The following PCDH9 variants were observed in gnomAD, a reference collection of about 807,000 sequenced individuals.
The protein encoded by PCDH9 is protocadherin 9.
A neutral mutation model predicts 70.6 loss-of-function variants in PCDH9; 24 were observed. The observed-to-expected ratio is 0.34, with a 90% CI of 0.25 to 0.48. The LOEUF (loss-of-function observed/expected upper bound fraction) is 0.48, where lower values mean the gene tolerates loss of function less well. PCDH9 is among the 20% of genes least tolerant of loss of function. The pLI is 0.99. For synonymous variants in PCDH9, 562 were observed against 558.5 expected (o/e 1.01, Z -0.09); for missense variants, 1,281 against 1,503.6 (o/e 0.85, Z 2.45).
At chr13:66,562,983 A>G (rs1339927761) in intron 4 of PCDH9, among the ~76,000 whole-genome samples, 1 of 152,102 alleles carries the variant, frequency 6.6e-6, no homozygotes, top group Non-Finnish European at 1.5e-5. Context: ...TACCCCAAAG[A>G]AAATTCAGTT....
At chr13:66,610,015 T>C (rs1416158125) in intron 4 of PCDH9, among the ~76,000 whole-genome samples, 1 of 147,436 alleles carries the variant, frequency 6.8e-6, no homozygotes, top group Non-Finnish European at 1.5e-5. Context: ...TGGAGTGCAG[T>C]GGCGAGATCT....
chr13:66,690,807 G>A (rs914050075), intron 3 of PCDH9, among the ~76,000 whole-genome samples: 2 of 152,042 alleles, frequency 1.3e-5, no homozygotes, highest in African/African-American at 4.8e-5. Context: ...ATATATATTA[G>A]TCTCTACTGA....
intron 3 of PCDH9, among the ~76,000 whole-genome samples, chr13:66,693,023 C>T (rs1160310134): frequency 6.6e-6 from 1 of 152,026 alleles, no homozygotes; most frequent in Non-Finnish European, 1.5e-5. Context: ...AAATCAAACT[C>T]TTTTTGGTGG....
chr13:66,346,613 G>A (rs1411474443), intron 4 of PCDH9, among the ~76,000 whole-genome samples: 1 of 152,102 alleles, frequency 6.6e-6, no homozygotes, highest in East Asian at 1.9e-4. Flanking sequence ...CCATTCTATG[G>A]CCTATGGCTG....
chr13:66,897,913 A>T (rs1189526771), intron 3 of PCDH9, among the ~76,000 whole-genome samples: 1 of 152,106 alleles, frequency 6.6e-6, no homozygotes, highest in African/African-American at 2.4e-5. Context: ...TTCCAGGTCA[A>T]TCTTACCTAA....
chr13:66,934,575 A>AGAAAAG (rs2082876457), intron 2 of PCDH9, among the ~76,000 whole-genome samples: 1 of 150,154 alleles, frequency 6.7e-6, no homozygotes, highest in African/African-American at 2.4e-5. Flanking sequence ...AAAAATACAA[A>AGAAAAG]AACTCCTTGA....
intron 3 of PCDH9, among the ~76,000 whole-genome samples, chr13:66,743,786 A>G (rs1237166844): frequency 1.3e-5 from 2 of 152,192 alleles, no homozygotes; most frequent in Non-Finnish European, 2.9e-5. Flanking sequence ...ATGAAAAACA[A>G]CTAAGTTAAA....
chr13:66,305,463 T>C (rs1248619938), intron 4 of PCDH9, among the ~76,000 whole-genome samples: 1 of 151,956 alleles, frequency 6.6e-6, no homozygotes, highest in Admixed American at 6.6e-5. Flanking sequence ...AATATATAAA[T>C]AATACAACTC....
intron 3 of PCDH9, among the ~76,000 whole-genome samples, chr13:66,690,969 C>T (rs981165): frequency 0.32 from 48,541 of 151,788 alleles, 8,448 homozygotes; most frequent in East Asian, 0.51. Context: ...ATGTTAATAT[C>T]CCCTTAAGTT....
chr13:66,701,978 G>A lies in PCDH9; in HGVS notation c.3139-70567C>T, dbSNP rs141346869. ...CCAAAGTCAGGAAGCTGGGCAACGCGCAGGTACCCAGATCTTATTGTGAAG... is the reference window on the plus strand; with the variant it reads ...CCAAAGTCAGGAAGCTGGGCAACGCACAGGTACCCAGATCTTATTGTGAAG... On this transcript the variant is annotated intron_variant, in intron 3 of 4. Transcript: ENST00000377865. 2.9e-3 allele frequency among the ~76,000 whole-genome samples: 444 copies of A among 152,222 alleles called. 1 individual carries two copies. Among genetic ancestry groups the A allele is most frequent in the African/African-American group, 0.01 (424 of 41,526 alleles).
intron 3 of PCDH9, among the ~76,000 whole-genome samples, chr13:66,890,533 T>C (rs772140833): frequency 6.7e-6 from 1 of 148,626 alleles, no homozygotes; most frequent in African/African-American, 2.5e-5. Flanking sequence ...TTTTGGGAGG[T>C]TGCTGATTGC....
At chr13:66,802,416 A>G (rs1025851) in intron 3 of PCDH9, among the ~76,000 whole-genome samples, 135,531 of 152,030 alleles carry the variant, frequency 0.89, 62,493 homozygotes, top group South Asian at 1. Context: ...AATGGAAATT[A>G]AGATTATTCA....
At chr13:67,135,419 T>G (rs1378810615) in intron 2 of PCDH9, among the ~76,000 whole-genome samples, 1 of 152,142 alleles carries the variant, frequency 6.6e-6, no homozygotes, top group Non-Finnish European at 1.5e-5. Flanking sequence ...TCTCTCTTCA[T>G]TTTTACCCCA....
intron 3 of PCDH9, among the ~76,000 whole-genome samples, chr13:66,657,590 T>G (rs1350252562): frequency 6.6e-6 from 1 of 152,194 alleles, no homozygotes; most frequent in South Asian, 2.1e-4. Flanking sequence ...TTTACAGCAA[T>G]TGGAAATCCA....
At chr13:66,659,686 T>TC (rs755896193) in intron 3 of PCDH9, among the ~76,000 whole-genome samples, 4 of 152,106 alleles carry the variant, frequency 2.6e-5, no homozygotes, top group Non-Finnish European at 5.9e-5. Context: ...ATTTTTTTTT[T>TC]CTGTTACTGC....
chr13:67,030,331 T>C (rs2084878188), intron 2 of PCDH9, among the ~76,000 whole-genome samples: 1 of 152,176 alleles, frequency 6.6e-6, no homozygotes, highest in African/African-American at 2.4e-5. Flanking sequence ...TTGCTTCAAC[T>C]GAGGCTAAGA....
intron 2 of PCDH9, among the ~76,000 whole-genome samples, chr13:67,084,553 A>G (rs956954166): frequency 3.9e-5 from 6 of 152,060 alleles, no homozygotes; most frequent in African/African-American, 1.4e-4. Context: ...CTTAACCATT[A>G]AGTTGCCTGG....
At chr13:66,438,306 A>C (rs1383812695) in intron 4 of PCDH9, among the ~76,000 whole-genome samples, 5 of 152,162 alleles carry the variant, frequency 3.3e-5, no homozygotes, top group East Asian at 1.9e-4. Context: ...TGGATTAATA[A>C]AATTTTTCTT....
chr13:66,648,727 T>C (rs1450071462), intron 3 of PCDH9, among the ~76,000 whole-genome samples: 1 of 151,494 alleles, frequency 6.6e-6, no homozygotes, highest in Non-Finnish European at 1.5e-5. Context: ...TAAAAAAAAC[T>C]AAAAAAGGCA....
Sources: gnomAD v4.1 joint callset for allele counts (sites outside exome capture counted in the v4.1 genomes callset) on GRCh38, gnomAD v4.1.1 for gene constraint, MANE v1.5 for transcripts, NCBI Gene and HGNC (gene_info 2026-07-23, HGNC 2026-07-21) for gene names.